The following TBX22 variants were observed in gnomAD, a reference collection of about 807,000 sequenced individuals.
The protein encoded by TBX22 is T-box transcription factor TBX22.
In TBX22, 8 loss-of-function variants were observed where a neutral mutation model predicts 30.1. The observed-to-expected ratio is 0.27, with a 90% CI of 0.16 to 0.48. The LOEUF (loss-of-function observed/expected upper bound fraction) is 0.48. TBX22 is among the 20% of genes least tolerant of loss of function. TBX22 has a pLI of 0.99. For missense variants in TBX22, 463 were observed against 400.5 expected, an observed-to-expected ratio of 1.16 and a Z score of -1.33; for synonymous variants, 173 against 149.1, an observed-to-expected ratio of 1.16 and a Z score of -1.17.
chrX:80,031,458 T>C lies in TBX22; in HGVS notation c.*347T>C, dbSNP rs142483621. 3.1e-3 allele frequency: 537 copies of C among 172,937 alleles called. 6 individuals carry two copies. Among genetic ancestry groups the C allele is most frequent in the South Asian group, 0.019 (113 of 5,923 alleles). The allele number at this position is 172,937 out of a possible 1,213,427, so 14.3% of individuals were successfully genotyped here. ...CACCACGTTAACTGCATTTTACACA[T>C]TGACAATGACAAAAAGAAGATGGAT... is the stretch of plus-strand genomic sequence containing the variant. On this transcript the variant is annotated 3_prime_UTR_variant, in exon 9 of 9. Coordinates refer to ENST00000373296, the MANE Select transcript of TBX22 (RefSeq NM_001109878.2).
At chrX:80,022,047 C>G (rs930072327) in intron 1 of TBX22, among the ~76,000 whole-genome samples, 6 of 110,941 alleles carry the variant, frequency 5.4e-5, no homozygotes, top group Non-Finnish European at 9.5e-5. Context: ...CACACACACA[C>G]ACACACACAC....
In TBX22 at chrX:80,025,790, A is replaced by G; in HGVS notation, c.633+13A>G. 2 of 1,189,361 alleles carry G rather than the reference A, an allele frequency of 1.7e-6. No individual in the cohort carries two copies. Among genetic ancestry groups the G allele is most frequent in the Non-Finnish European group, 2.3e-6 (2 of 881,677 alleles). On this transcript the variant is annotated intron_variant, in intron 5 of 8. Transcript: ENST00000373296. ...TGACAAAGGCCACGTACGTGAGCAC[A>G]ATCCTTTACCCCGAGGAGGGAGGTG... is the stretch of plus-strand genomic sequence containing the variant.
At chrX:80,028,122 A>G in intron 8 of TBX22, 46 bp downstream of exon 8, 1 of 1,078,190 alleles carries the variant, frequency 9.3e-7, no homozygotes, top group African/African-American at 1.9e-5. Flanking sequence ...TATCAATTAA[A>G]TAACAACATC....
At position 80,031,331 on chromosome X, in the gene TBX22, T is replaced by C. The variant is rs760815603; in HGVS notation, c.*220T>C. ...ACAGGAATCTCTGATTACAGTGGCC[T>C]TGAGCTTCAAAATGAGATATGCAAT... On this transcript the variant is annotated 3_prime_UTR_variant, in exon 9 of 9. Coordinates refer to ENST00000373296, the MANE Select transcript of TBX22 (RefSeq NM_001109878.2). 5.2e-5 allele frequency: 21 copies of C among 402,855 alleles called. No individual in the cohort carries two copies. Among genetic ancestry groups the C allele is most frequent in the Non-Finnish European group, 8.5e-5 (20 of 235,364 alleles). 33.2% of individuals were successfully genotyped at this position (402,855 alleles called of 1,213,427 possible).
At chrX:80,030,398 A>G in intron 8 of TBX22, 100 bp from the exon 9 acceptor site, 1 of 1,057,254 alleles carries the variant, frequency 9.5e-7, no homozygotes, top group Non-Finnish European at 1.3e-6. Flanking sequence ...AGGAAAATTA[A>G]TCTAAGGATG....
intron 1 of TBX22, among the ~76,000 whole-genome samples, chrX:80,018,999 A>G (rs1002294041): frequency 1.8e-5 from 2 of 111,657 alleles, no homozygotes; most frequent in Non-Finnish European, 3.8e-5. Flanking sequence ...TCCTATTCTC[A>G]TAACCAGTAG....
chrX:80,016,164 G>T (rs959733588), intron 1 of TBX22, among the ~76,000 whole-genome samples: 2 of 112,472 alleles, frequency 1.8e-5, no homozygotes, highest in African/African-American at 6.5e-5. Context: ...ATGGAAAGAA[G>T]CCTTTAGTAC....
Position 80,031,697 on chromosome X carries a change from A to T in TBX22, c.*586A>T, listed in dbSNP as rs1422548671. 1.8e-5 allele frequency: 2 copies of T among 111,959 alleles called. No homozygotes were observed. The highest frequency in any genetic ancestry group is 6.5e-5 in the African/African-American group (2 of 30,880). The allele number at this position is 111,959 out of a possible 1,213,427, so 9.2% of individuals were successfully genotyped here. On this transcript the variant is annotated 3_prime_UTR_variant, in exon 9 of 9. Transcript: ENST00000373296. ...TTTTATTTATCTTTGTAGCCTAAAG[A>T]CCATTTAATCTTGAAGGAACACAAA...
intron 1 of TBX22, among the ~76,000 whole-genome samples, chrX:80,020,812 C>G (rs1203328764): frequency 8.9e-6 from 1 of 111,874 alleles, no homozygotes; most frequent in Non-Finnish European, 1.9e-5. Context: ...TAAGTTATTT[C>G]AAGTTGCATC....
Position 80,026,735 on chromosome X carries a change from C to T in TBX22, c.665C>T (p.Pro222Leu). 1 of 1,211,046 alleles carries T rather than the reference C, an allele frequency of 8.3e-7. No homozygotes were observed. Among genetic ancestry groups the T allele is most frequent in the Non-Finnish European group, 1.1e-6 (1 of 895,026 alleles). Residue 222 changes from proline to leucine, a missense_variant, in exon 6 of 9, where the codon CCC (proline) becomes CTC (leucine). By Grantham distance (98) the Pro-to-Leu change is moderately conservative. Coordinates refer to ENST00000373296, the MANE Select transcript of TBX22 (RefSeq NM_001109878.2). The part of the protein sequence containing the change: ...IILQSMHKYK[P>L]RVHVIEQGSS... ...CTGCAATCCATGCATAAGTACAAAC[C>T]CCGAGTGCACGTGATAGAGCAAGGC...
In TBX22 at chrX:80,025,737, G is replaced by T. The variant is rs200542790; in HGVS notation, c.593G>T (p.Arg198Leu). The T allele has an allele frequency of 8.3e-7, 1 of 1,208,300 alleles. No individual in the cohort carries two copies. Among genetic ancestry groups the T allele is most frequent in the African/African-American group, 1.8e-5 (1 of 57,074 alleles). ...ATGCGGCAGATCATCAGCTTTGATC[G>T]CATGAAACTCACCAACAATGAGATG... ...TWMRQIISFDRMKLTNNEMDD... is the reference protein window; with the variant it reads ...TWMRQIISFDLMKLTNNEMDD... The change falls in exon 5 of 9, where the codon CGC becomes CTC. Residue 198 changes from arginine (R) to leucine (L), a missense_variant. By Grantham distance (102) the Arg-to-Leu change is moderately radical. Coordinates refer to ENST00000373296, the MANE Select transcript of TBX22 (RefSeq NM_001109878.2).
rs200143305 is a variant in TBX22, at chrX:80,022,483, T to TA, written c.175+40dup. The TA allele has an allele frequency of 8.5e-3, 9,764 of 1,146,965 alleles. 478 individuals are homozygous for TA. The African/African-American group carries it at 0.15, about 18-fold the overall frequency. The allele number at this position is 1,146,965 out of a possible 1,213,427, so 94.5% of individuals were successfully genotyped here. ...TTGCCCTGAGCCCGTTGCCTGAGCT[T>TA]ACTGGTTCCGCATCTCTCCGCCTGG... is the stretch of plus-strand genomic sequence containing the variant. On this transcript the variant is annotated intron_variant, in intron 2 of 8. Coordinates refer to ENST00000373296, the MANE Select transcript of TBX22 (RefSeq NM_001109878.2).
In TBX22 at chrX:80,023,100, T is replaced by C. The variant is rs746481231; in HGVS notation, c.216T>C (p.Ser72=). Reference sequence around the variant, plus strand: ...CAGAGCCCTCAACATCTGCTTCCTCTGGCTGCGGCAGCGACAGCGGCTACG... The same window carrying C: ...CAGAGCCCTCAACATCTGCTTCCTCCGGCTGCGGCAGCGACAGCGGCTACG... ...PKTEPSTSAS[S]GCGSDSGYGN... The change falls in exon 3 of 9, where the codon TCT becomes TCC. Residue 72 remains serine, a synonymous_variant. Transcript: ENST00000373296. 8.3e-7 allele frequency: 1 copy of C among 1,210,063 alleles called. No homozygotes were observed. Among genetic ancestry groups the C allele is most frequent in the East Asian group, 3.0e-5 (1 of 33,751 alleles).
Position 80,031,054 on chromosome X carries a change from T to C in TBX22, c.1506T>C (p.Phe502=). The C allele has an allele frequency of 8.3e-7, 1 of 1,211,084 alleles. No homozygotes were observed. Among genetic ancestry groups the C allele is most frequent in the East Asian group, 3.0e-5 (1 of 33,833 alleles). The change falls in exon 9 of 9, where the codon TTT becomes TTC. Residue 502 remains phenylalanine, a synonymous_variant. Coordinates refer to ENST00000373296, the MANE Select transcript of TBX22 (RefSeq NM_001109878.2). ...LKVNDDSQVS[F]GEGKCNHVHW... ...TGAATGACGACAGTCAAGTTTCTTT[T>C]GGAGAAGGCAAATGTAATCATGTTC... is the stretch of plus-strand genomic sequence containing the variant.
At position 80,028,345 on chromosome X, in the gene TBX22, A is replaced by T. The variant is rs185168436; in HGVS notation, c.949+269A>T. ...TTACACCCTGTGATTTTCAGATTTCATCTGGATTTTTCAGCCTCTCACTGT... is the reference window on the plus strand; with the variant it reads ...TTACACCCTGTGATTTTCAGATTTCTTCTGGATTTTTCAGCCTCTCACTGT... On this transcript the variant is annotated intron_variant, in intron 8 of 8. Coordinates refer to ENST00000373296, the MANE Select transcript of TBX22 (RefSeq NM_001109878.2). 4.2e-3 allele frequency among the ~76,000 whole-genome samples: 473 copies of T among 112,505 alleles called. 2 individuals are homozygous for T. The highest frequency in any genetic ancestry group is 0.015 in the African/African-American group (456 of 31,027).
Position 80,028,094 on chromosome X carries a change from G to C in TBX22, c.949+18G>C. On this transcript the variant is annotated intron_variant, in intron 8 of 8. Coordinates refer to ENST00000373296, the MANE Select transcript of TBX22 (RefSeq NM_001109878.2). Reference sequence around the variant, plus strand: ...CACACAAAGTAAGAAAACTTGGAACGTTTGTTTTATTTTTACATATCAATT... The same window carrying C: ...CACACAAAGTAAGAAAACTTGGAACCTTTGTTTTATTTTTACATATCAATT... 8.5e-7 allele frequency: 1 copy of C among 1,181,594 alleles called. No individual in the cohort carries two copies. The highest frequency in any genetic ancestry group is 2.2e-5 in the Admixed American group (1 of 45,445).
intron 1 of TBX22, among the ~76,000 whole-genome samples, chrX:80,019,563 G>C (rs768606421): frequency 1.8e-5 from 2 of 111,574 alleles, no homozygotes; most frequent in Non-Finnish European, 1.9e-5. Flanking sequence ...GGTGTTCATG[G>C]ATGAAATATA....
Position 80,023,092 on chromosome X carries a change from G to A in TBX22, c.208G>A (p.Ala70Thr). The stretch of plus-strand genomic sequence containing the variant: ...ACCTAAGACAGAGCCCTCAACATCT[G>A]CTTCCTCTGGCTGCGGCAGCGACAG... ...KQPKTEPSTSASSGCGSDSGY... is the reference protein window; with the variant it reads ...KQPKTEPSTSTSSGCGSDSGY... Residue 70 changes from alanine to threonine, a missense_variant, in exon 3 of 9, where the codon GCT (alanine) becomes ACT (threonine). Transcript: ENST00000373296. 1 of 1,211,710 alleles carries A rather than the reference G, an allele frequency of 8.3e-7. No individual in the cohort carries two copies. The highest frequency in any genetic ancestry group is 1.1e-6 in the Non-Finnish European group (1 of 895,473).
At position 80,030,720 on chromosome X, in the gene TBX22, C is replaced by T; in HGVS notation, c.1172C>T (p.Pro391Leu). The T allele has an allele frequency of 8.3e-7, 1 of 1,211,901 alleles. No individual in the cohort carries two copies. Among genetic ancestry groups the T allele is most frequent in the Non-Finnish European group, 1.1e-6 (1 of 895,529 alleles). The change falls in exon 9 of 9, where the codon CCT (proline) becomes CTT (leucine). Residue 391 changes from proline (P) to leucine (L), a missense_variant. Coordinates refer to ENST00000373296, the MANE Select transcript of TBX22 (RefSeq NM_001109878.2). Reference sequence around the variant, plus strand: ...CAGCAACCTCTTGTTTTACCGGCTCCTGAAAGACTAGCAAGCAGCAACAGT... The same window carrying T: ...CAGCAACCTCTTGTTTTACCGGCTCTTGAAAGACTAGCAAGCAGCAACAGT... ...WQQQPLVLPA[P>L]ERLASSNSSQ...
Sources: allele counts gnomAD v4.1 joint callset (sites outside exome capture counted in the v4.1 genomes callset), GRCh38; gene constraint gnomAD v4.1.1; transcripts MANE v1.5; gene names NCBI Gene and HGNC (gene_info 2026-07-23, HGNC 2026-07-21).